The following AGMO variants were observed in gnomAD, a reference collection of about 807,000 sequenced individuals.
AGMO encodes alkylglycerol monooxygenase.
Under a neutral mutation model 60.2 loss-of-function variants are expected in AGMO, and 75 were observed. That is an observed-to-expected ratio of 1.25 (90% CI 1.03 to 1.51). The LOEUF is 1.51. AGMO is among the 40% of genes most tolerant of loss of function. The pLI is 0.00. For missense variants in AGMO, 763 were observed against 525.5 expected (o/e 1.45, Z -4.42); for synonymous variants, 261 against 177.1 (o/e 1.47, Z -3.76).
At chr7:15,136,075 C>T in the AGMO span, among the ~76,000 whole-genome samples, 1 of 144,810 alleles carries the variant, frequency 6.9e-6, no homozygotes, top group East Asian at 2.1e-4. Flanking sequence ...TTTACTGCAA[C>T]CTCTGCCTCC....
At chr7:15,524,929 T>C (rs913242033) in intron 3 of AGMO, among the ~76,000 whole-genome samples, 13 of 151,558 alleles carry the variant, frequency 8.6e-5, no homozygotes, top group East Asian at 3.9e-4. Flanking sequence ...ACAAATAATA[T>C]ATATAGAATT....
chr7:15,537,976 G>GAAAT (rs933901519), intron 3 of AGMO, among the ~76,000 whole-genome samples: 5 of 152,028 alleles, frequency 3.3e-5, no homozygotes, highest in Non-Finnish European at 7.4e-5. Context: ...GCCTGTCACT[G>GAAAT]AAATAAACTC....
chr7:15,421,796 G>A (rs1455443424), intron 4 of AGMO, among the ~76,000 whole-genome samples: 1 of 152,160 alleles, frequency 6.6e-6, no homozygotes, highest in Non-Finnish European at 1.5e-5. Context: ...ATCAGGAAGT[G>A]TCTTGGTTGA....
intron 12 of AGMO, among the ~76,000 whole-genome samples, chr7:15,342,168 G>GA (rs1220016747): frequency 2.6e-5 from 1 of 39,090 alleles, no homozygotes; most frequent in African/African-American, 2.2e-4. Flanking sequence ...GATACCCACA[G>GA]AGTTAAAAAA....
intron 5 of AGMO, chr7:15,396,559 A>C (rs576817210): frequency 6.6e-6 from 1 of 152,206 alleles, no homozygotes; most frequent in Admixed American, 6.6e-5. Context: ...CAACGAGGAA[A>C]AGGACAACAG....
chr7:15,561,119 C>A (rs1476429447), intron 1 of AGMO, among the ~76,000 whole-genome samples: 1 of 152,018 alleles, frequency 6.6e-6, no homozygotes, highest in Non-Finnish European at 1.5e-5. Context: ...GTAGGAATAA[C>A]TTTGATAGGG....
intron 12 of AGMO, among the ~76,000 whole-genome samples, chr7:15,304,304 C>T (rs1190914788): frequency 6.6e-6 from 1 of 152,126 alleles, no homozygotes; most frequent in Non-Finnish European, 1.5e-5. Flanking sequence ...CCCCTCAACT[C>T]CCTTGAGGTC....
intron 10 of AGMO, among the ~76,000 whole-genome samples, chr7:15,381,497 A>T (rs1288856773): frequency 2.0e-5 from 3 of 152,156 alleles, no homozygotes; most frequent in Non-Finnish European, 4.4e-5. Context: ...CACCAGTCAG[A>T]CTGGGTATTA....
chr7:15,396,247 G>C (rs1480417833), intron 5 of AGMO: 1 of 152,322 alleles, frequency 6.6e-6, no homozygotes, highest in East Asian at 1.9e-4. Flanking sequence ...CTCGCAGTGA[G>C]TGCTACAGTT....
At chr7:15,181,736 T>A in the AGMO span, among the ~76,000 whole-genome samples, 3 of 152,174 alleles carry the variant, frequency 2.0e-5, no homozygotes, top group Non-Finnish European at 4.4e-5. Flanking sequence ...AGTGTTTTGT[T>A]CTGATTTGCT....
the AGMO span, among the ~76,000 whole-genome samples, chr7:15,117,349 G>A: frequency 6.6e-6 from 1 of 151,972 alleles, no homozygotes; most frequent in African/African-American, 2.4e-5. Flanking sequence ...TGGATACTAT[G>A]TAAATGTCCA....
chr7:15,396,976 C>A (rs959142911), intron 5 of AGMO, among the ~76,000 whole-genome samples: 9 of 152,130 alleles, frequency 5.9e-5, no homozygotes, highest in Non-Finnish European at 8.8e-5. Context: ...CATTTACAAA[C>A]CTTTAACTAG....
At chr7:15,475,091 G>A (rs370838177) in intron 3 of AGMO, among the ~76,000 whole-genome samples, 19 of 152,304 alleles carry the variant, frequency 1.2e-4, no homozygotes, top group African/African-American at 3.1e-4. Flanking sequence ...TACAGTGTTA[G>A]TGGGAGTGTA....
chr7:15,270,559 G>C (rs1783567783), intron 12 of AGMO, among the ~76,000 whole-genome samples: 1 of 77,768 alleles, frequency 1.3e-5, no homozygotes, highest in Non-Finnish European at 2.6e-5. Context: ...AATATTTTCT[G>C]TCATTTTGTA....
Position 15,390,708 on chromosome 7 carries a change from G to C in AGMO, c.785C>G (p.Thr262Arg). ...AENEKVVYGL[T>R]HPINTFEPIK... ...TGGTTCAAATGTATTAATGGGATGT[G>C]TTAAGCCATATACAACTTTTTCATT... The change falls in exon 8 of 13, where the codon ACA (threonine) becomes AGA (arginine). Residue 262 changes from threonine (T) to arginine (R), a missense_variant. Transcript: ENST00000342526. 6.2e-7 allele frequency: 1 copy of C among 1,611,268 alleles called. No individual in the cohort carries two copies. The highest frequency in any genetic ancestry group is 8.5e-7 in the Non-Finnish European group (1 of 1,178,196).
At chr7:15,429,945 T>C (rs141314102) in intron 4 of AGMO, among the ~76,000 whole-genome samples, 1 of 152,108 alleles carries the variant, frequency 6.6e-6, no homozygotes, top group African/African-American at 2.4e-5. Flanking sequence ...TATGGAGGCA[T>C]GTAGAAGAGC....
intron 3 of AGMO, among the ~76,000 whole-genome samples, chr7:15,440,790 A>C (rs1264835537): frequency 6.6e-6 from 1 of 152,200 alleles, no homozygotes; most frequent in South Asian, 2.1e-4. Context: ...AAAATGTGTA[A>C]TTTTTAACTT....
At chr7:15,381,500 G>T (rs544639598) in intron 10 of AGMO, among the ~76,000 whole-genome samples, 2 of 152,076 alleles carry the variant, frequency 1.3e-5, no homozygotes, top group Admixed American at 6.6e-5. Flanking sequence ...CAGTCAGACT[G>T]GGTATTATTA....
At chr7:15,373,911 G>A (rs141314003) in intron 10 of AGMO, among the ~76,000 whole-genome samples, 6 of 152,230 alleles carry the variant, frequency 3.9e-5, no homozygotes, top group Non-Finnish European at 7.4e-5. Flanking sequence ...GTAAAATGAG[G>A]CTAATATTGC....
Sources: allele counts gnomAD v4.1 joint callset (sites outside exome capture counted in the v4.1 genomes callset), GRCh38; gene constraint gnomAD v4.1.1; transcripts MANE v1.5; gene names NCBI Gene and HGNC (gene_info 2026-07-23, HGNC 2026-07-21).